The following NELL1 variants were observed in gnomAD, a reference collection of about 807,000 sequenced individuals.
NELL1 encodes the protein protein kinase C-binding protein NELL1.
In NELL1, 76 loss-of-function variants were observed where a neutral mutation model predicts 107.4. The observed-to-expected ratio is 0.71, with a 90% CI of 0.59 to 0.86. The LOEUF is 0.86. NELL1 is among the 40% of genes least tolerant of loss of function. NELL1 has a pLI of 0.00. For synonymous variants in NELL1, 353 were observed against 341.2 expected, an observed-to-expected ratio of 1.03 and a Z score of -0.38; for missense variants, 1,024 against 1,005.5, an observed-to-expected ratio of 1.02 and a Z score of -0.25.
At chr11:20,903,178 ATATATG>A (rs558591199) in intron 5 of NELL1, among the ~76,000 whole-genome samples, 290 of 152,174 alleles carry the variant, frequency 1.9e-3, no homozygotes, top group Non-Finnish European at 3.1e-3. Flanking sequence ...GTGTGTGTGT[ATATATG>A]TATATGTATA....
At chr11:21,198,393 T>C (rs1394892181) in intron 13 of NELL1, among the ~76,000 whole-genome samples, 1 of 152,178 alleles carries the variant, frequency 6.6e-6, no homozygotes, top group Non-Finnish European at 1.5e-5. Context: ...GACCCCTTGA[T>C]GAAGGAGGGC....
chr11:21,283,568 T>C (rs1314283535), intron 14 of NELL1: 2 of 152,672 alleles, frequency 1.3e-5, no homozygotes, highest in Non-Finnish European at 2.9e-5. Context: ...AGATCCAAAA[T>C]AGTTGTATTT....
At chr11:20,980,054 A>C (rs1361433868) in intron 12 of NELL1, among the ~76,000 whole-genome samples, 1 of 152,184 alleles carries the variant, frequency 6.6e-6, no homozygotes, top group African/African-American at 2.4e-5. Flanking sequence ...TAAATACTCA[A>C]TGACTTAAAG....
chr11:21,394,453 C>T (rs914037613), intron 15 of NELL1, among the ~76,000 whole-genome samples: 15 of 150,612 alleles, frequency 1.0e-4, no homozygotes, highest in African/African-American at 2.9e-4. Flanking sequence ...TATATATGGC[C>T]GTGTGTGTGT....
intron 12 of NELL1, among the ~76,000 whole-genome samples, chr11:21,053,647 C>A (rs191040378): frequency 6.6e-6 from 1 of 152,248 alleles, no homozygotes; most frequent in Non-Finnish European, 1.5e-5. Context: ...AGGGAAAAAA[C>A]CATCAGCTTT....
At chr11:21,443,545 T>TC (rs1853345245) in intron 15 of NELL1, among the ~76,000 whole-genome samples, 1 of 57,612 alleles carries the variant, frequency 1.7e-5, no homozygotes, top group South Asian at 7.7e-4. Flanking sequence ...TTTGCTTTTA[T>TC]TTTTTTTTCA....
At chr11:20,894,858 A>G (rs1564954630) in intron 5 of NELL1, among the ~76,000 whole-genome samples, 1 of 152,214 alleles carries the variant, frequency 6.6e-6, no homozygotes, top group East Asian at 1.9e-4. Flanking sequence ...GGGTACATGT[A>G]AATGTTGTTA....
At chr11:20,991,301 G>A (rs954786628) in intron 12 of NELL1, among the ~76,000 whole-genome samples, 1 of 152,190 alleles carries the variant, frequency 6.6e-6, no homozygotes, top group Non-Finnish European at 1.5e-5. Flanking sequence ...CAGAGTTGTA[G>A]AAGTCCACTG....
At chr11:21,427,173 G>A (rs989611461) in intron 15 of NELL1, among the ~76,000 whole-genome samples, 8 of 152,200 alleles carry the variant, frequency 5.3e-5, no homozygotes, top group African/African-American at 1.9e-4. Context: ...ATGTCGCTAT[G>A]TCTCATCACA....
At chr11:21,340,894 T>A (rs1850548579) in intron 14 of NELL1, among the ~76,000 whole-genome samples, 2 of 152,122 alleles carry the variant, frequency 1.3e-5, no homozygotes, top group Non-Finnish European at 2.9e-5. Flanking sequence ...AGCACCAAAT[T>A]TGTGGTACTT....
chr11:21,354,724 C>T (rs920348839), intron 14 of NELL1, among the ~76,000 whole-genome samples: 1 of 152,170 alleles, frequency 6.6e-6, no homozygotes, highest in African/African-American at 2.4e-5. Flanking sequence ...CTGGTCCACC[C>T]GAATTACCCA....
chr11:21,367,290 AC>A (rs1851248721), intron 14 of NELL1, among the ~76,000 whole-genome samples: 3 of 151,086 alleles, frequency 2.0e-5, no homozygotes, highest in Non-Finnish European at 2.9e-5. Flanking sequence ...ACACACACAC[AC>A]ACACACACAC....
chr11:21,540,838 A>C (rs559460125), intron 16 of NELL1, among the ~76,000 whole-genome samples: 1 of 152,204 alleles, frequency 6.6e-6, no homozygotes, highest in South Asian at 2.1e-4. Context: ...AATCCAAACC[A>C]TATCACTGGC....
chr11:21,291,019 A>G (rs968177317), intron 14 of NELL1, among the ~76,000 whole-genome samples: 2 of 152,208 alleles, frequency 1.3e-5, no homozygotes, highest in African/African-American at 2.4e-5. Flanking sequence ...AGTATTCTTC[A>G]GAAGGTGGGT....
intron 13 of NELL1, among the ~76,000 whole-genome samples, chr11:21,170,583 C>T (rs7940204): frequency 0.34 from 50,736 of 151,108 alleles, 8,918 homozygotes; most frequent in Middle Eastern, 0.39. Flanking sequence ...AGCTTCCTTA[C>T]AAATACTTTG....
intron 12 of NELL1, among the ~76,000 whole-genome samples, chr11:21,111,524 T>G (rs1855107358): frequency 6.6e-6 from 1 of 152,130 alleles, no homozygotes; most frequent in Non-Finnish European, 1.5e-5. Context: ...TATTTCTAGC[T>G]CATGCAACAG....
Position 21,047,518 on chromosome 11 carries a change from T to C in NELL1, c.1301-66071T>C, listed in dbSNP as rs1190013858. 3.3e-5 allele frequency among the ~76,000 whole-genome samples: 5 copies of C among 152,018 alleles called. No individual in the cohort carries two copies. The South Asian group carries it at 6.2e-4, about 19-fold the overall frequency. On this transcript the variant is annotated intron_variant, in intron 12 of 19. Coordinates refer to ENST00000357134, the MANE Select transcript of NELL1 (RefSeq NM_006157.5). ...AAGCCATTTTGCATTACTGAACAAATGCCTACTTAGTTAGTAGTAGTATAC... is the reference window on the plus strand; with the variant it reads ...AAGCCATTTTGCATTACTGAACAAACGCCTACTTAGTTAGTAGTAGTATAC...
At chr11:20,800,140 G>C (rs367703385) in intron 3 of NELL1, among the ~76,000 whole-genome samples, 1 of 152,076 alleles carries the variant, frequency 6.6e-6, no homozygotes, top group East Asian at 1.9e-4. Context: ...CCATGTCTTT[G>C]CTATTGTGAA....
At position 21,462,720 on chromosome 11, in the gene NELL1, A is replaced by C. The variant is rs186701822; in HGVS notation, c.1646-71654A>C. On this transcript the variant is annotated intron_variant, in intron 15 of 19. Transcript: ENST00000357134. ...ATGGGTTTCTCAGTCGGAGGTGATG[A>C]CTTCTGAGAGTCAAGGAGGTCTATT... is the stretch of plus-strand genomic sequence containing the variant. Among the ~76,000 whole-genome samples, 568 of 152,130 alleles carry C rather than the reference A, an allele frequency of 3.7e-3. 2 individuals carry two copies. The highest frequency in any genetic ancestry group is 7.7e-3 in the Admixed American group (117 of 15,248).
Sources: allele counts gnomAD v4.1 joint callset (sites outside exome capture counted in the v4.1 genomes callset), GRCh38; gene constraint gnomAD v4.1.1; transcripts MANE v1.5; gene names NCBI Gene and HGNC (gene_info 2026-07-23, HGNC 2026-07-21).